Variants in SZT2 observed in about 807,000 individuals in gnomAD.
The protein encoded by SZT2 is SZT2 subunit of KICSTOR complex.
A neutral mutation model predicts 404.2 loss-of-function variants in SZT2; 216 were observed. The observed-to-expected ratio is 0.53, with a 90% CI of 0.48 to 0.60. SZT2 has a LOEUF of 0.60. Among genes scored for constraint, SZT2 ranks in the 20% least tolerant of loss-of-function variants. The pLI, the probability that SZT2 is intolerant of heterozygous loss-of-function variation, is 0.00. For synonymous variants in SZT2, 1,693 were observed against 1,749.9 expected (o/e 0.97, Z 0.81); for missense variants, 3,857 against 4,459.2 (o/e 0.86, Z 3.85).
chr1:43,435,132 C>T (rs1007541268), intron 41 of SZT2, 68 bp from the exon 42 acceptor site: 3 of 1,579,536 alleles, frequency 1.9e-6, no homozygotes, highest in Admixed American at 1.7e-5. Context: ...CATTTGATCA[C>T]CCCTGACCAC....
intron 24 of SZT2, 51 bp downstream of exon 24, chr1:43,427,230 C>T: frequency 6.2e-7 from 1 of 1,606,158 alleles, no homozygotes; most frequent in Non-Finnish European, 8.5e-7. Flanking sequence ...AACCCCTGAG[C>T]TCCCTCACTG....
In SZT2 at chr1:43,411,433, C is replaced by T. The variant is rs77948347; in HGVS notation, c.499-3649C>T. 7.5e-4 allele frequency among the ~76,000 whole-genome samples: 115 copies of T among 152,334 alleles called. 1 individual carries two copies. The highest frequency in any genetic ancestry group is 2.6e-3 in the African/African-American group (110 of 41,578). Reference sequence around the variant, plus strand: ...CTCCATGGTTCATGCATGAAGCTTCCAGCCCTTTCCAGCTCAGGGAACACA... The same window carrying T: ...CTCCATGGTTCATGCATGAAGCTTCTAGCCCTTTCCAGCTCAGGGAACACA... On this transcript the variant is annotated intron_variant, in intron 4 of 71. Coordinates refer to ENST00000634258, the MANE Select transcript of SZT2 (RefSeq NM_001365999.1).
chr1:43,431,116 T>A lies in SZT2; in HGVS notation c.4916+26T>A, dbSNP rs751984721. On this transcript the variant is annotated intron_variant, in intron 33 of 71. Transcript: ENST00000634258. ...GTGTGGCAGCAAGTTTGGTGGGGGG[T>A]TTGGGACCTTTTTAGGGTAGGGGGA... The A allele has an allele frequency of 3.0e-5, 49 of 1,608,306 alleles. No individual in the cohort carries two copies. The East Asian group carries it at 5.6e-4, about 18-fold the overall frequency.
In SZT2 at chr1:43,447,986, TA is replaced by T; in HGVS notation, c.9563+16del. Reference sequence around the variant, plus strand: ...CACGTTCTGCGGTCAGCAGATCCCCTACCTTGAACATGCCCATTTCCCAGCC... The same window carrying T: ...CACGTTCTGCGGTCAGCAGATCCCCTCCTTGAACATGCCCATTTCCCAGCC... On this transcript the variant is annotated intron_variant, in intron 68 of 71. Coordinates refer to ENST00000634258, the MANE Select transcript of SZT2 (RefSeq NM_001365999.1). 6.2e-7 allele frequency: 1 copy of T among 1,613,770 alleles called. No homozygotes were observed. The highest frequency in any genetic ancestry group is 8.5e-7 in the Non-Finnish European group (1 of 1,179,936).
chr1:43,432,726 A>G lies in SZT2; in HGVS notation c.5531-2A>G, dbSNP rs752086500. ...CTCCAGGCATTTTCCTTCTCTATCC[A>G]GGGAGTCAGCCTGGGCCCAGCCGGG... On this transcript the variant is annotated splice_acceptor_variant, in intron 38 of 71. Coordinates refer to ENST00000634258, the MANE Select transcript of SZT2 (RefSeq NM_001365999.1). LOFTEE classifies it high-confidence loss of function. 6.2e-7 allele frequency: 1 copy of G among 1,613,986 alleles called. No homozygotes were observed. Among genetic ancestry groups the G allele is most frequent in the East Asian group, 2.2e-5 (1 of 44,872 alleles).
chr1:43,452,223 T>C lies in SZT2; in HGVS notation c.*1743T>C, dbSNP rs768353407. On this transcript the variant is annotated 3_prime_UTR_variant, in exon 72 of 72. Coordinates refer to ENST00000634258, the MANE Select transcript of SZT2 (RefSeq NM_001365999.1). Reference sequence around the variant, plus strand: ...TTCTCACCTGAGCCAAAACCCCAGCTGCATGCCTCAGGTTCTCCAGAAAAA... The same window carrying C: ...TTCTCACCTGAGCCAAAACCCCAGCCGCATGCCTCAGGTTCTCCAGAAAAA... 10 of 1,613,494 alleles carry C rather than the reference T, an allele frequency of 6.2e-6. No homozygotes were observed. Among genetic ancestry groups the C allele is most frequent in the Non-Finnish European group, 7.6e-6 (9 of 1,179,650 alleles).
chr1:43,442,148 G>T lies in SZT2; in HGVS notation c.7873+18G>T, dbSNP rs766480470. 1.3e-6 allele frequency: 2 copies of T among 1,597,202 alleles called. No individual in the cohort carries two copies. The highest frequency in any genetic ancestry group is 8.6e-7 in the Non-Finnish European group (1 of 1,166,722). The stretch of plus-strand genomic sequence containing the variant: ...ACAGCAGGGTGAGGGCATGGCCCGG[G>T]GGGGCGGGGGGCGGGTAGGCTAAGA... On this transcript the variant is annotated intron_variant, in intron 56 of 71. Transcript: ENST00000634258. The surrounding 1 kb of genome is among the most constrained non-coding windows in gnomAD (Gnocchi z 4.5).
rs764999545 is a variant in SZT2, at chr1:43,447,017, C to G, written c.9135C>G (p.Phe3045Leu). Residue 3045 changes from phenylalanine to leucine, a missense_variant, in exon 66 of 72, where the codon TTC becomes TTG. By Grantham distance (22) the Phe-to-Leu change is conservative. Coordinates refer to ENST00000634258, the MANE Select transcript of SZT2 (RefSeq NM_001365999.1). ...KVRDLMHVHS[F>L]SYDFHLRLVH... The stretch of plus-strand genomic sequence containing the variant: ...GGGACCTGATGCACGTGCACTCGTT[C>G]AGCTATGACTTCCATCTGCGCCTCG... 5.6e-6 allele frequency: 9 copies of G among 1,613,796 alleles called. No homozygotes were observed. The Admixed American group carries it at 8.3e-5, about 15-fold the overall frequency.
At position 43,453,893 on chromosome 1, in the gene SZT2, G is replaced by A. The variant is rs146338100; in HGVS notation, c.*3413G>A. The A allele has an allele frequency of 6.7e-4, 817 of 1,223,994 alleles. 5 individuals carry two copies. In the African/African-American group the frequency reaches 0.012, roughly 18 times the overall value. The allele number at this position is 1,223,994 out of a possible 1,614,324, so 75.8% of individuals were successfully genotyped here. On this transcript the variant is annotated 3_prime_UTR_variant, in exon 72 of 72. Transcript: ENST00000634258. The stretch of plus-strand genomic sequence containing the variant: ...GGGCGGGGCTCTCCTTGCTGGCCCT[G>A]CGAACGAACGAGCACTGTTCGTGGT...
chr1:43,446,528 G>T, intron 65 of SZT2, 112 bp downstream of exon 65: 1 of 1,325,890 alleles, frequency 7.5e-7, no homozygotes, highest in Non-Finnish European at 1.1e-6. Flanking sequence ...GGCTGGCCCA[G>T]TGATTGATTC....
At position 43,437,290 on chromosome 1, in the gene SZT2, C is replaced by T; in HGVS notation, c.6154C>T (p.Leu2052Phe). ...AACTGTGATCCGAGTCCATTCACGC[C>T]TCAAAATGGGGCCCAGCATGGGGGT... ...WGTVIRVHSR[L>F]KMGPSMGVSR... The change falls in exon 43 of 72, where the codon CTC (leucine) becomes TTC (phenylalanine). Residue 2052 changes from leucine (L) to phenylalanine (F), a missense_variant. This residue lies in a region of SZT2 where 261 missense variants were observed against 372.9 expected (regional missense o/e 0.70). Coordinates refer to ENST00000634258, the MANE Select transcript of SZT2 (RefSeq NM_001365999.1). This position sits in a 1 kb window ranked among gnomAD's most constrained non-coding sequence, Gnocchi z 5.3. 6.2e-7 allele frequency: 1 copy of T among 1,614,094 alleles called. No individual in the cohort carries two copies. Among genetic ancestry groups the T allele is most frequent in the Non-Finnish European group, 8.5e-7 (1 of 1,180,024 alleles).
chr1:43,405,318 AT>A (rs149223179), intron 4 of SZT2: 4 of 148,714 alleles, frequency 2.7e-5, no homozygotes, highest in East Asian at 2.0e-4. Flanking sequence ...AGTGTGGGTC[AT>A]TTTTTTTTTG....
rs1182393830 is a variant in SZT2 at position 43,403,294 on chromosome 1, G to A, written c.145G>A (p.Glu49Lys). 1 of 1,613,460 alleles carries A rather than the reference G, an allele frequency of 6.2e-7. No individual in the cohort carries two copies. The highest frequency in any genetic ancestry group is 1.1e-5 in the South Asian group (1 of 91,032). Residue 49 changes from glutamate (E) to lysine (K), a missense_variant, in exon 2 of 72, where the codon GAG becomes AAG. This residue lies in a region of SZT2 where 536 missense variants were observed against 637.4 expected (regional missense o/e 0.84). Transcript: ENST00000634258. ...CCAAACTGTGCAGGCCACACCCCAG[G>A]AGATGCTGGTGAGGCTTAGACACAC... is the stretch of plus-strand genomic sequence containing the variant. ...LHQTVQATPQ[E>K]MLLQSEQELE... is the part of the protein sequence containing the mutation.
At position 43,420,382 on chromosome 1, in the gene SZT2, A is replaced by T. The variant is rs955189428; in HGVS notation, c.1261+59A>T. ...GATCTCTCAAGAATTTGTGTGTGGG[A>T]AGACCCACATGTATCACACATGAAA... On this transcript the variant is annotated intron_variant, in intron 9 of 71. Coordinates refer to ENST00000634258, the MANE Select transcript of SZT2 (RefSeq NM_001365999.1). This position sits in a 1 kb window ranked among gnomAD's most constrained non-coding sequence, Gnocchi z 5.1. 1.4e-6 allele frequency: 2 copies of T among 1,479,768 alleles called. No homozygotes were observed. The highest frequency in any genetic ancestry group is 1.8e-4 in the Middle Eastern group (1 of 5,590). The allele number at this position is 1,479,768 out of a possible 1,614,324, so 91.7% of individuals were successfully genotyped here. A position where few individuals can be genotyped will look rare whatever the true frequency, so the allele number is the denominator to read the frequency against.
Position 43,450,345 on chromosome 1 carries a change from A to C in SZT2, c.10164A>C (p.Thr3388=). 1.9e-6 allele frequency: 3 copies of C among 1,613,906 alleles called. No homozygotes were observed. The highest frequency in any genetic ancestry group is 2.5e-6 in the Non-Finnish European group (3 of 1,179,944). ...LDSHLGKTSL[T]VVFREPFPVQ... is the part of the protein sequence containing the mutation. ...CACCGTGTTCCCCACAGTCTCTGACAGTGGTTTTCCGAGAGCCCTTCCCAG... is the reference window on the plus strand; with the variant it reads ...CACCGTGTTCCCCACAGTCTCTGACCGTGGTTTTCCGAGAGCCCTTCCCAG... The change falls in exon 72 of 72, where the codon ACA becomes ACC. Residue 3388 remains threonine (T), a synonymous_variant. Coordinates refer to ENST00000634258, the MANE Select transcript of SZT2 (RefSeq NM_001365999.1). This position sits in a 1 kb window ranked among gnomAD's most constrained non-coding sequence, Gnocchi z 4.3.
rs745705548 is a variant in SZT2, at chr1:43,451,024, G to A, written c.*544G>A. On this transcript the variant is annotated 3_prime_UTR_variant, in exon 72 of 72. Transcript: ENST00000634258. ...GACCCTGGGTTTCTCATCCTTTAAT[G>A]AGGTGGGTTCAGAAGCTCTCCCATC... The A allele has an allele frequency of 9.1e-6, 7 of 770,834 alleles. No individual in the cohort carries two copies. The highest frequency in any genetic ancestry group is 1.4e-5 in the Non-Finnish European group (6 of 423,940). The allele number at this position is 770,834 out of a possible 1,614,324, so 47.7% of individuals were successfully genotyped here. A position where few individuals can be genotyped will look rare whatever the true frequency, so the allele number is the denominator to read the frequency against.
Position 43,389,948 on chromosome 1 carries a change from C to A in SZT2, c.-21C>A. The A allele has an allele frequency of 6.8e-7, 1 of 1,463,438 alleles. No individual in the cohort carries two copies. The highest frequency in any genetic ancestry group is 9.0e-7 in the Non-Finnish European group (1 of 1,108,002). The allele number at this position is 1,463,438 out of a possible 1,614,324, so 90.7% of individuals were successfully genotyped here. On this transcript the variant is annotated 5_prime_UTR_variant, in exon 1 of 72. Coordinates refer to ENST00000634258, the MANE Select transcript of SZT2 (RefSeq NM_001365999.1). ...AGTGGAACACCCTCACTGGCCCGGG[C>A]CGGCGCGGGAGGGCTGTGTGATGGC...
At chr1:43,403,079 T>C in intron 1 of SZT2, 98 bp from the exon 2 acceptor site, 2 of 1,320,224 alleles carry the variant, frequency 1.5e-6, no homozygotes, top group East Asian at 2.3e-5. Flanking sequence ...CTCTCATTGA[T>C]GGTGAGTTCC....
At chr1:43,422,712 C>T in intron 13 of SZT2, 57 bp from the exon 14 acceptor site, 1 of 1,432,464 alleles carries the variant, frequency 7.0e-7, no homozygotes, top group Middle Eastern at 1.8e-4. Context: ...TAACCCCAGA[C>T]CTCACTGCTA....
Sources: gnomAD v4.1 joint callset for allele counts (sites outside exome capture counted in the v4.1 genomes callset) on GRCh38, gnomAD v4.1.1 for gene constraint, gnomAD v4.1.1 regional missense constraint, Gnocchi (gnomAD v3.1) non-coding constraint, MANE v1.5 for transcripts, NCBI Gene and HGNC (gene_info 2026-07-23, HGNC 2026-07-21) for gene names.